Variants in ZNF415 observed in about 807,000 individuals in gnomAD.
ZNF415 encodes the protein zinc finger protein 415.
ZNF415 carries 5 observed loss-of-function variants against 7.3 expected under a neutral mutation model. The ratio of observed to expected loss-of-function variants is 0.69; its 90% CI spans 0.36 to 1.44. The LOEUF is 1.44. ZNF415 is among the 40% of genes most tolerant of loss of function. The pLI is 0.04. For synonymous variants in ZNF415, 207 were observed against 226.3 expected (o/e 0.91, Z 0.77); for missense variants, 628 against 664.8 (o/e 0.94, Z 0.61).
chr19:53,132,022 C>T (rs1427120584), intron 1 of ZNF415, among the ~76,000 whole-genome samples: 4 of 152,114 alleles, frequency 2.6e-5, no homozygotes, highest in Non-Finnish European at 4.4e-5. Context: ...TCCTTTGCTG[C>T]CCCTCTCCCT....
intron 2 of ZNF415, chr19:53,122,321 C>T: frequency 7.4e-7 from 1 of 1,358,094 alleles, no homozygotes; most frequent in Non-Finnish European, 1.0e-6. Flanking sequence ...TATTCCTGGG[C>T]TACGGAGAGC....
chr19:53,122,496 G>A, intron 2 of ZNF415, 166 bp downstream of exon 2: 3 of 1,578,390 alleles, frequency 1.9e-6, no homozygotes, highest in Non-Finnish European at 2.6e-6. Flanking sequence ...GGGTGAGACG[G>A]AATCTCAGTA....
chr19:53,114,828 G>GCAAAA (rs1470312955), intron 3 of ZNF415, among the ~76,000 whole-genome samples: 2 of 152,172 alleles, frequency 1.3e-5, no homozygotes. Flanking sequence ...AATGGCTGAG[G>GCAAAA]GACCACAACA....
At chr19:53,116,811 C>T (rs1178672054) in intron 2 of ZNF415, among the ~76,000 whole-genome samples, 1 of 151,000 alleles carries the variant, frequency 6.6e-6, no homozygotes, top group Non-Finnish European at 1.5e-5. Context: ...AGGGATCAAG[C>T]AAAAGAAAAA....
In ZNF415 at chr19:53,108,726, T is replaced by C; in HGVS notation, c.1319A>G (p.Tyr440Cys). The C allele has an allele frequency of 6.2e-7, 1 of 1,614,220 alleles. No individual in the cohort carries two copies. The highest frequency in any genetic ancestry group is 8.5e-7 in the Non-Finnish European group (1 of 1,180,026). Residue 440 changes from tyrosine (Y) to cysteine (C), a missense_variant, in exon 4 of 4, where the codon TAC (tyrosine) becomes TGC (cysteine). Tyr to Cys is a radical substitution (Grantham distance 194, BLOSUM62 -2). Coordinates refer to ENST00000243643, the MANE Select transcript of ZNF415 (RefSeq NM_018355.4). ...HRRVHTGEKP[Y>C]KCNECGKAFS... ...GGCTTTCCCACACTCATTACACTTG[T>C]AAGGTTTCTCTCCAGTATGAACTCT...
chr19:53,115,646 A>C, intron 3 of ZNF415: 1 of 1,328,188 alleles, frequency 7.5e-7, no homozygotes, highest in Non-Finnish European at 1.1e-6. Context: ...CCACTTGCTA[A>C]GAGTTTCCAA....
At chr19:53,110,577 G>A (rs1309223699) in intron 3 of ZNF415, among the ~76,000 whole-genome samples, 1 of 152,058 alleles carries the variant, frequency 6.6e-6, no homozygotes, top group African/African-American at 2.4e-5. Flanking sequence ...CCCATCATCT[G>A]TAAACCATAA....
chr19:53,122,889 A>G (rs2088366996), intron 1 of ZNF415, 146 bp from the exon 2 acceptor site: 2 of 605,366 alleles, frequency 3.3e-6, no homozygotes, highest in South Asian at 4.3e-5. Flanking sequence ...CCCAGGGACA[A>G]GAAACTCCTA....
In ZNF415 at chr19:53,126,623, G is replaced by A. The variant is rs111604973; in HGVS notation, c.-67-3880C>T. On this transcript the variant is annotated intron_variant, in intron 1 of 3. Coordinates refer to ENST00000243643, the MANE Select transcript of ZNF415 (RefSeq NM_018355.4). ...AACCCCTCCTCTCCCTCAATCACCC[G>A]CCTAGGGAAGCATTAGTTTCCCATC... Among the ~76,000 whole-genome samples, 5 of 130,234 alleles carry A rather than the reference G, an allele frequency of 3.8e-5. 1 individual carries two copies. Among genetic ancestry groups the A allele is most frequent in the East Asian group, 5.7e-4 (2 of 3,534 alleles). The allele number at this position is 130,234 out of a possible 152,430, so 85.4% of individuals were successfully genotyped here. A position where few individuals can be genotyped will look rare whatever the true frequency, so the allele number is the denominator to read the frequency against.
chr19:53,129,402 A>C (rs1197637925), intron 1 of ZNF415, among the ~76,000 whole-genome samples: 3 of 152,200 alleles, frequency 2.0e-5, no homozygotes, highest in Non-Finnish European at 4.4e-5. Flanking sequence ...ATACAGAGAA[A>C]GGCCCCGAAG....
intron 3 of ZNF415, among the ~76,000 whole-genome samples, chr19:53,113,248 C>CA (rs2086508899): frequency 3.6e-5 from 1 of 27,758 alleles, no homozygotes. Context: ...GTGGCTCACG[C>CA]CTGTAATCCC....
At position 53,108,147 on chromosome 19, in the gene ZNF415, T is replaced by C; in HGVS notation, c.*230A>G. ...GAAGCCTCTGCCACACAGTTAGGTG[T>C]ATATGATTTCTCTTTAGCATGGACT... On this transcript the variant is annotated 3_prime_UTR_variant, in exon 4 of 4. Coordinates refer to ENST00000243643, the MANE Select transcript of ZNF415 (RefSeq NM_018355.4). 1 of 541,560 alleles carries C rather than the reference T, an allele frequency of 1.8e-6. No homozygotes were observed. Among genetic ancestry groups the C allele is most frequent in the South Asian group, 2.7e-5 (1 of 36,842 alleles). The allele number at this position is 541,560 out of a possible 1,614,324, so 33.5% of individuals were successfully genotyped here.
chr19:53,126,149 T>A (rs1008386828), intron 1 of ZNF415, among the ~76,000 whole-genome samples: 5 of 151,580 alleles, frequency 3.3e-5, no homozygotes, highest in Admixed American at 2.6e-4. Context: ...GCAGGGGTCC[T>A]GTTTCACCTG....
chr19:53,122,514 G>C (rs1178135199), intron 2 of ZNF415, 148 bp downstream of exon 2: 1 of 1,592,764 alleles, frequency 6.3e-7, no homozygotes, highest in African/African-American at 1.3e-5. Flanking sequence ...GTAGAGATGA[G>C]AAGGACTGAG....
At chr19:53,112,376 C>T (rs1192086699) in intron 3 of ZNF415, among the ~76,000 whole-genome samples, 2 of 152,166 alleles carry the variant, frequency 1.3e-5, no homozygotes, top group Non-Finnish European at 2.9e-5. Context: ...AAAGGAGCTA[C>T]AAGAGCTGGG....
chr19:53,122,909 C>A (rs1023796573), intron 1 of ZNF415, among the ~76,000 whole-genome samples, 166 bp from the exon 2 acceptor site: 2 of 152,112 alleles, frequency 1.3e-5, no homozygotes, highest in African/African-American at 4.8e-5. Flanking sequence ...ACAGGAAAAC[C>A]AATACATGAG....
At chr19:53,115,805 T>A in intron 3 of ZNF415, 1 of 1,549,814 alleles carries the variant, frequency 6.5e-7, no homozygotes, top group East Asian at 2.4e-5. Context: ...CCACATAGGA[T>A]AATACTCTGG....
intron 2 of ZNF415, among the ~76,000 whole-genome samples, chr19:53,118,754 A>T (rs2087454278): frequency 6.6e-6 from 1 of 152,184 alleles, no homozygotes; most frequent in African/African-American, 2.4e-5. Flanking sequence ...AAACAAGTAA[A>T]AATGGAAACA....
chr19:53,108,950 G>A lies in ZNF415; in HGVS notation c.1095C>T (p.Phe365=). 3.7e-6 allele frequency: 6 copies of A among 1,614,120 alleles called. No individual in the cohort carries two copies. The African/African-American group carries it at 4.0e-5, about 11-fold the overall frequency. Residue 365 remains phenylalanine (F), a synonymous_variant, in exon 4 of 4, where the codon TTC becomes TTT. Transcript: ENST00000243643. Reference sequence around the variant, plus strand: ...GAGTTGCAAGGCTTGAAGTCTGACTGAACACCTTGCCACATTCATTGCATT... The same window carrying A: ...GAGTTGCAAGGCTTGAAGTCTGACTAAACACCTTGCCACATTCATTGCATT... The part of the protein sequence containing the change: ...PYKCNECGKV[F]SQTSSLATHQ...
Sources: gnomAD v4.1 joint callset for allele counts (sites outside exome capture counted in the v4.1 genomes callset) on GRCh38, gnomAD v4.1.1 for gene constraint, MANE v1.5 for transcripts, NCBI Gene and HGNC (gene_info 2026-07-23, HGNC 2026-07-21) for gene names.